PIK3C2B: variants seen among roughly 807,000 people sequenced by gnomAD.
PIK3C2B encodes phosphatidylinositol-4-phosphate 3-kinase catalytic subunit type 2 beta, also known as phosphatidylinositol 4-phosphate 3-kinase C2 domain-containing subunit beta.
A neutral mutation model predicts 184.3 loss-of-function variants in PIK3C2B; 83 were observed. That is an observed-to-expected ratio of 0.45 (90% CI 0.38 to 0.54). The LOEUF is 0.54. PIK3C2B is among the 20% of genes least tolerant of loss of function. PIK3C2B has a pLI of 0.00. For missense variants in PIK3C2B, 1,736 were observed against 2,113.5 expected, an observed-to-expected ratio of 0.82 and a Z score of 3.50; for synonymous variants, 779 against 837.6, an observed-to-expected ratio of 0.93 and a Z score of 1.21.
chr1:204,426,200 C>T (rs1291027471), intron 31 of PIK3C2B, among the ~76,000 whole-genome samples: 2 of 152,208 alleles, frequency 1.3e-5, no homozygotes, highest in African/African-American at 4.8e-5. Flanking sequence ...TAAGTCAGAT[C>T]ATGTCATGCC....
chr1:204,441,553 T>C lies in PIK3C2B; in HGVS notation c.3167A>G (p.Tyr1056Cys). 1 of 1,611,806 alleles carries C rather than the reference T, an allele frequency of 6.2e-7. No individual in the cohort carries two copies. Among genetic ancestry groups the C allele is most frequent in the Non-Finnish European group, 8.5e-7 (1 of 1,177,988 alleles). The stretch of plus-strand genomic sequence containing the variant: ...GAGGGGGACAGCATTGGAGTTGAAG[T>C]AGGAACAGTCCTGCCATGGTGAAAA... ...VKGIVPRDCS[Y>C]FNSNAVPLKL... Residue 1056 changes from tyrosine to cysteine, a missense_variant, in exon 21 of 33, where the codon TAC (tyrosine) becomes TGC (cysteine). Physicochemically the swap from Tyr to Cys is radical, Grantham distance 194. Around this residue, in one of 8 missense-constraint regions of PIK3C2B, gnomAD observed 289 missense variants for 380.4 expected, o/e 0.76. Coordinates refer to ENST00000684373, the MANE Select transcript of PIK3C2B (RefSeq NM_001377334.1).
In PIK3C2B at chr1:204,460,572, A is replaced by G. The variant is rs1558261723; in HGVS notation, c.1400T>C (p.Val467Ala). 2.5e-6 allele frequency: 4 copies of G among 1,613,912 alleles called. No homozygotes were observed. The Admixed American group carries it at 5.0e-5, about 20-fold the overall frequency. Reference sequence around the variant, plus strand: ...AACCGTCCGGGCCAGGTCACTGCGCACAACCTTCTGCTCCATCAGCTGTAG... The same window carrying G: ...AACCGTCCGGGCCAGGTCACTGCGCGCAACCTTCTGCTCCATCAGCTGTAG... Reference protein sequence around the residue: ...IRLQLMEQKVVRSDLARTVND... With the variant: ...IRLQLMEQKVARSDLARTVND... The change falls in exon 6 of 33, where the codon GTG (valine) becomes GCG (alanine). Residue 467 changes from valine to alanine, a missense_variant. By Grantham distance (64) the Val-to-Ala change is moderately conservative. Coordinates refer to ENST00000684373, the MANE Select transcript of PIK3C2B (RefSeq NM_001377334.1).
At chr1:204,473,694 C>A (rs1656476574) in intron 1 of PIK3C2B, among the ~76,000 whole-genome samples, 1 of 152,192 alleles carries the variant, frequency 6.6e-6, no homozygotes, top group Admixed American at 6.5e-5. Flanking sequence ...TGGAAATAAT[C>A]TTTTTCAACT....
chr1:204,478,172 T>C (rs967381518), intron 1 of PIK3C2B, among the ~76,000 whole-genome samples: 3 of 152,116 alleles, frequency 2.0e-5, no homozygotes, highest in African/African-American at 7.2e-5. Context: ...CAGAGGCCAT[T>C]AGGACTTAAA....
chr1:204,455,088 G>A (rs1027536841), intron 11 of PIK3C2B, among the ~76,000 whole-genome samples: 1 of 152,256 alleles, frequency 6.6e-6, no homozygotes, highest in Non-Finnish European at 1.5e-5. Flanking sequence ...CCAGCCCATG[G>A]AGCGTCTGTG....
chr1:204,434,882 A>C (rs1486685999), intron 23 of PIK3C2B, among the ~76,000 whole-genome samples: 1 of 152,210 alleles, frequency 6.6e-6, no homozygotes, highest in Non-Finnish European at 1.5e-5. Flanking sequence ...TCTTTCTCCT[A>C]GGGAGATCGG....
chr1:204,463,820 G>A (rs145258544), intron 5 of PIK3C2B, among the ~76,000 whole-genome samples, 192 bp downstream of exon 5: 9 of 152,034 alleles, frequency 5.9e-5, no homozygotes, highest in Admixed American at 3.3e-4. Flanking sequence ...GGCTCAGGAC[G>A]TCAGCCAACC....
At chr1:204,452,997 G>A (rs538105462) in intron 12 of PIK3C2B, among the ~76,000 whole-genome samples, 1 of 152,180 alleles carries the variant, frequency 6.6e-6, no homozygotes, top group East Asian at 1.9e-4. Flanking sequence ...ACCTAAGTGT[G>A]AAGGGCATGA....
chr1:204,474,044 T>C (rs1278939958), intron 1 of PIK3C2B, among the ~76,000 whole-genome samples: 1 of 134,634 alleles, frequency 7.4e-6, no homozygotes, highest in Admixed American at 9.1e-5. Context: ...CAAGCTGGAG[T>C]GCAATGGCGC....
chr1:204,427,762 G>A lies in PIK3C2B; in HGVS notation c.4481-8C>T. 1 of 1,602,308 alleles carries A rather than the reference G, an allele frequency of 6.2e-7. No homozygotes were observed. The highest frequency in any genetic ancestry group is 1.1e-5 in the South Asian group (1 of 90,834). On this transcript the variant is annotated splice_polypyrimidine_tract_variant and splice_region_variant and intron_variant, in intron 30 of 32. Transcript: ENST00000684373. Reference sequence around the variant, plus strand: ...GCCGGGCCCATGTGCCATCTGTAGGGACAAATGAAACCATGAAGGGTCAAG... The same window carrying A: ...GCCGGGCCCATGTGCCATCTGTAGGAACAAATGAAACCATGAAGGGTCAAG...
In PIK3C2B at chr1:204,456,886, ACACACACACACACACACACACC is replaced by A. The variant is rs1309840366; in HGVS notation, c.1747+129_1747+150del. The A allele has an allele frequency of 9.0e-5, 44 of 489,880 alleles. No individual in the cohort carries two copies. In the Admixed American group the frequency reaches 1.2e-3, roughly 13 times the overall value. 30.3% of individuals were successfully genotyped at this position (489,880 alleles called of 1,614,324 possible). A position where few individuals can be genotyped will look rare whatever the true frequency, so the allele number is the denominator to read the frequency against. ...ACCTCATATAGGAACACACACACAC[ACACACACACACACACACACACC>A]CACACACACACACACACCAGCCGAA... On this transcript the variant is annotated intron_variant, in intron 10 of 32. Transcript: ENST00000684373.
At chr1:204,482,115 G>A (rs1025188266) in intron 1 of PIK3C2B, among the ~76,000 whole-genome samples, 1 of 12,260 alleles carries the variant, frequency 8.2e-5, no homozygotes, top group Non-Finnish European at 2.8e-3. Context: ...AAGACGGGGG[G>A]GGGGGGGGGG....
chr1:204,469,726 A>C lies in PIK3C2B; in HGVS notation c.77T>G (p.Met26Arg), dbSNP rs2103516729. The change falls in exon 2 of 33, where the codon ATG becomes AGG. Residue 26 changes from methionine (M) to arginine (R), a missense_variant. Met to Arg is a moderately conservative substitution (Grantham distance 91). This residue lies in a region of PIK3C2B where 404 missense variants were observed against 418.0 expected (regional missense o/e 0.97). Transcript: ENST00000684373. ...SVGISRKELA[M>R]AEALQMEYDA... is the part of the protein sequence containing the mutation. ...ATACTCCATCTGCAGGGCTTCGGCCATCGCTAGCTCTTTGCGGCTGATGCC... is the reference window on the plus strand; with the variant it reads ...ATACTCCATCTGCAGGGCTTCGGCCCTCGCTAGCTCTTTGCGGCTGATGCC... 6.2e-7 allele frequency: 1 copy of C among 1,614,028 alleles called. No individual in the cohort carries two copies. The highest frequency in any genetic ancestry group is 8.5e-7 in the Non-Finnish European group (1 of 1,179,956).
Position 204,455,898 on chromosome 1 carries a change from G to A in PIK3C2B, c.1901C>T (p.Thr634Ile), listed in dbSNP as rs377358077. The A allele has an allele frequency of 1.9e-6, 3 of 1,613,978 alleles. No homozygotes were observed. Among genetic ancestry groups the A allele is most frequent in the Non-Finnish European group, 2.5e-6 (3 of 1,179,984 alleles). ...GGGGATGCGGTGGGTGGCATAGACAGTGAAGGCCAGGGACCTGGCGAAATG... is the reference window on the plus strand; with the variant it reads ...GGGGATGCGGTGGGTGGCATAGACAATGAAGGCCAGGGACCTGGCGAAATG... Reference protein sequence around the residue: ...ACHFARSLAFTVYATHRIPII... With the variant: ...ACHFARSLAFIVYATHRIPII... The change falls in exon 11 of 33, where the codon ACT becomes ATT. Residue 634 changes from threonine (T) to isoleucine (I), a missense_variant. Coordinates refer to ENST00000684373, the MANE Select transcript of PIK3C2B (RefSeq NM_001377334.1).
chr1:204,424,514 C>CA lies in PIK3C2B; in HGVS notation c.*337dup. 19 of 329,406 alleles carry CA rather than the reference C, an allele frequency of 5.8e-5. No individual in the cohort carries two copies. Among genetic ancestry groups the CA allele is most frequent in the South Asian group, 2.5e-4 (9 of 35,630 alleles). The allele number at this position is 329,406 out of a possible 1,614,324, so 20.4% of individuals were successfully genotyped here. ...AAAAATAAAAATTAAGATATCCACC[C>CA]ACCCACCCCCAAAATGCTACTTCAT... On this transcript the variant is annotated 3_prime_UTR_variant, in exon 33 of 33. Coordinates refer to ENST00000684373, the MANE Select transcript of PIK3C2B (RefSeq NM_001377334.1).
In PIK3C2B at chr1:204,483,477, C is replaced by A. The variant is rs957805888; in HGVS notation, c.-85+10879G>T. Among the ~76,000 whole-genome samples, 3 of 90,776 alleles carry A rather than the reference C, an allele frequency of 3.3e-5. No homozygotes were observed. The South Asian group carries it at 1.1e-3, about 35-fold the overall frequency. The allele number at this position is 90,776 out of a possible 152,430, so 59.6% of individuals were successfully genotyped here. On this transcript the variant is annotated intron_variant, in intron 1 of 32. Transcript: ENST00000684373. ...TTTTATTCTCAGTGTCTCCTTAATA[C>A]CCTGATACTCTGTTTCACACTGATA...
Position 204,465,481 on chromosome 1 carries a change from G to T in PIK3C2B, c.934-162C>A, listed in dbSNP as rs1208592663. On this transcript the variant is annotated intron_variant, in intron 2 of 32. Coordinates refer to ENST00000684373, the MANE Select transcript of PIK3C2B (RefSeq NM_001377334.1). ...ACATATGGGACATCCGGGAATACATGTATCTGCTGTCCTAGGAGACCAGGA... is the reference window on the plus strand; with the variant it reads ...ACATATGGGACATCCGGGAATACATTTATCTGCTGTCCTAGGAGACCAGGA... Among the ~76,000 whole-genome samples the T allele has an allele frequency of 2.0e-5, 3 of 152,252 alleles. No homozygotes were observed. In the East Asian group the frequency reaches 5.8e-4, roughly 29 times the overall value.
At chr1:204,454,056 T>A (rs1281752639) in intron 12 of PIK3C2B, among the ~76,000 whole-genome samples, 1 of 151,570 alleles carries the variant, frequency 6.6e-6, no homozygotes, top group Non-Finnish European at 1.5e-5. Flanking sequence ...ATTACAAGCG[T>A]AAGCCACCGC....
intron 1 of PIK3C2B, among the ~76,000 whole-genome samples, chr1:204,470,664 A>G (rs1472632847): frequency 6.6e-6 from 1 of 152,268 alleles, no homozygotes; most frequent in Non-Finnish European, 1.5e-5. Flanking sequence ...TCCAAGGAAA[A>G]TAAAAGCATA....
Sources: allele counts gnomAD v4.1 joint callset (sites outside exome capture counted in the v4.1 genomes callset), GRCh38; gene constraint gnomAD v4.1.1; regional missense constraint gnomAD v4.1.1; transcripts MANE v1.5; gene names NCBI Gene and HGNC (gene_info 2026-07-23, HGNC 2026-07-21).